SDK1: variants seen among roughly 807,000 people sequenced by gnomAD.
The protein encoded by SDK1 is protein sidekick-1.
SDK1 carries 157 observed loss-of-function variants against 245.5 expected under a neutral mutation model. The ratio of observed to expected loss-of-function variants is 0.64; its 90% CI spans 0.56 to 0.73. SDK1 has a LOEUF of 0.73. SDK1 is among the 30% of genes least tolerant of loss of function. The pLI is 0.00. For missense variants in SDK1, 3,583 were observed against 3,002.3 expected (o/e 1.19, Z -4.52); for synonymous variants, 1,647 against 1,278.5 (o/e 1.29, Z -6.15).
chr7:3,701,322 A>G (rs571331379), intron 4 of SDK1, among the ~76,000 whole-genome samples: 13 of 152,350 alleles, frequency 8.5e-5, no homozygotes, highest in Non-Finnish European at 1.6e-4. Context: ...CGTGTTCAAC[A>G]TGTCCATGTC....
At chr7:4,246,719 T>TCCTCACCAAGCAGCTGGA (rs1257130724) in intron 44 of SDK1, among the ~76,000 whole-genome samples, 12 of 152,170 alleles carry the variant, frequency 7.9e-5, no homozygotes, top group African/African-American at 2.4e-4. Flanking sequence ...TGTGTTCCTC[T>TCCTCACCAAGCAGCTGGA]CCTCACCAAG....
chr7:3,578,201 A>G (rs190340922), intron 1 of SDK1, among the ~76,000 whole-genome samples: 1 of 152,136 alleles, frequency 6.6e-6, no homozygotes, highest in African/African-American at 2.4e-5. Flanking sequence ...GTGACATCAC[A>G]TATCGGTAGG....
chr7:3,873,402 A>G (rs1346920729), intron 5 of SDK1, among the ~76,000 whole-genome samples: 1 of 152,076 alleles, frequency 6.6e-6, no homozygotes, highest in Non-Finnish European at 1.5e-5. Flanking sequence ...TAGTTTGAAT[A>G]TCATAACTAG....
At chr7:3,814,622 T>C (rs1332986326) in intron 4 of SDK1, among the ~76,000 whole-genome samples, 6 of 152,104 alleles carry the variant, frequency 3.9e-5, no homozygotes, top group Non-Finnish European at 8.8e-5. Flanking sequence ...ACATGAACTT[T>C]AAAGTAGTTT....
chr7:3,350,335 C>T (rs913706222), intron 1 of SDK1, among the ~76,000 whole-genome samples: 4 of 152,174 alleles, frequency 2.6e-5, no homozygotes, highest in African/African-American at 4.8e-5. Context: ...CATATTCCCA[C>T]AGTGGAAATG....
intron 4 of SDK1, among the ~76,000 whole-genome samples, chr7:3,652,230 G>C (rs183216435): frequency 6.9e-4 from 105 of 152,312 alleles, no homozygotes; most frequent in African/African-American, 2.5e-3. Flanking sequence ...CAAGAGAGCT[G>C]GTTTTTTCTT....
intron 4 of SDK1, among the ~76,000 whole-genome samples, chr7:3,769,869 G>C (rs1780357102): frequency 6.6e-6 from 1 of 151,424 alleles, no homozygotes; most frequent in Admixed American, 6.6e-5. Context: ...GTTCACAATA[G>C]GTACTAATTG....
chr7:4,115,774 C>T (rs1380933846), intron 25 of SDK1, among the ~76,000 whole-genome samples: 1 of 152,168 alleles, frequency 6.6e-6, no homozygotes, highest in African/African-American at 2.4e-5. Flanking sequence ...TACTACAATG[C>T]CGTGCAAAGA....
At chr7:4,033,006 C>G (rs1349144663) in intron 17 of SDK1, among the ~76,000 whole-genome samples, 1 of 132,830 alleles carries the variant, frequency 7.5e-6, no homozygotes, top group African/African-American at 3.6e-5. Flanking sequence ...CAAAAATAGT[C>G]AGGAAACTTC....
chr7:4,120,663 C>G (rs555862139), intron 25 of SDK1, among the ~76,000 whole-genome samples: 1 of 150,836 alleles, frequency 6.6e-6, no homozygotes, highest in African/African-American at 2.4e-5. Flanking sequence ...GTCACCTGGG[C>G]TGGAGTGCAG....
At chr7:3,366,824 C>T (rs939279479) in intron 1 of SDK1, among the ~76,000 whole-genome samples, 1 of 152,102 alleles carries the variant, frequency 6.6e-6, no homozygotes, top group Non-Finnish European at 1.5e-5. Flanking sequence ...TCACTGCAAC[C>T]TCTGCCTCCT....
chr7:4,110,814 G>C (rs1238944060), intron 23 of SDK1, 42 bp downstream of exon 23: 1 of 1,395,150 alleles, frequency 7.2e-7, no homozygotes, highest in Non-Finnish European at 1.0e-6. Flanking sequence ...GGAAACACTG[G>C]CAGCCCAGGC....
chr7:3,782,682 A>G (rs1281808316), intron 4 of SDK1, among the ~76,000 whole-genome samples: 1 of 152,234 alleles, frequency 6.6e-6, no homozygotes, highest in Non-Finnish European at 1.5e-5. Context: ...CTGAATTTAT[A>G]TTTATATTTT....
intron 1 of SDK1, among the ~76,000 whole-genome samples, chr7:3,331,636 TTTG>T (rs1252936831): frequency 6.6e-6 from 1 of 152,228 alleles, no homozygotes; most frequent in Non-Finnish European, 1.5e-5. Context: ...CACTTTATCT[TTTG>T]TTGTGCTTTT....
rs1465824515 is a variant in SDK1 at position 3,619,225 on chromosome 7, C to T, written c.444C>T (p.Tyr148=). ...GCGATGACAGTGAGCTCACCACCTA[C>T]AGCAGCGAATATAAGTAATTGATCG... ...WMRDDSELTT[Y]SSEYKYIIPS... is the part of the protein sequence containing the mutation. The change falls in exon 2 of 45, where the codon TAC becomes TAT. Residue 148 remains tyrosine (Y), a synonymous_variant. Transcript: ENST00000404826. The T allele has an allele frequency of 2.5e-6, 4 of 1,610,494 alleles. No homozygotes were observed. Among genetic ancestry groups the T allele is most frequent in the South Asian group, 1.1e-5 (1 of 90,880 alleles).
At chr7:4,149,604 C>G in intron 30 of SDK1, 141 bp downstream of exon 30, 1 of 544,280 alleles carries the variant, frequency 1.8e-6, no homozygotes, top group South Asian at 3.4e-5. Flanking sequence ...TTTGACACTC[C>G]CCATGCTGGG....
Position 3,523,860 on chromosome 7 carries a change from T to G in SDK1, c.299-95220T>G, listed in dbSNP as rs187060789. Reference sequence around the variant, plus strand: ...CACCAAGCAGTCTTATGGTTGTACATTTGGTTTTCTACCCCCTTATGTGGC... The same window carrying G: ...CACCAAGCAGTCTTATGGTTGTACAGTTGGTTTTCTACCCCCTTATGTGGC... On this transcript the variant is annotated intron_variant, in intron 1 of 44. Transcript: ENST00000404826. Among the ~76,000 whole-genome samples the G allele has an allele frequency of 2.6e-5, 4 of 152,338 alleles. No homozygotes were observed. The East Asian group carries it at 7.7e-4, about 29-fold the overall frequency.
chr7:3,482,968 C>G (rs1216144037), intron 1 of SDK1, among the ~76,000 whole-genome samples: 1 of 151,412 alleles, frequency 6.6e-6, no homozygotes, highest in Non-Finnish European at 1.5e-5. Flanking sequence ...CTTTTTAATT[C>G]TCTCCTATTA....
Position 4,208,177 on chromosome 7 carries a change from C to G in SDK1, c.5293C>G (p.Leu1765Val). The change falls in exon 37 of 45, where the codon CTG becomes GTG. Residue 1765 changes from leucine to valine, a missense_variant. Transcript: ENST00000404826. ...VLFLPEPVVRLKNLTSHTKYL... is the reference protein window; with the variant it reads ...VLFLPEPVVRVKNLTSHTKYL... Reference sequence around the variant, plus strand: ...CTTCCTCCCCGAGCCCGTGGTGAGGCTGAAGAACCTGACCAGCCATACCAA... The same window carrying G: ...CTTCCTCCCCGAGCCCGTGGTGAGGGTGAAGAACCTGACCAGCCATACCAA... The G allele has an allele frequency of 6.2e-7, 1 of 1,613,934 alleles. No individual in the cohort carries two copies. Among genetic ancestry groups the G allele is most frequent in the Non-Finnish European group, 8.5e-7 (1 of 1,179,894 alleles).
Sources: allele counts gnomAD v4.1 joint callset (sites outside exome capture counted in the v4.1 genomes callset), GRCh38; gene constraint gnomAD v4.1.1; transcripts MANE v1.5; gene names NCBI Gene and HGNC (gene_info 2026-07-23, HGNC 2026-07-21).